Variants in CEP295 observed in about 807,000 individuals in gnomAD.
The protein encoded by CEP295 is centrosomal protein 295, also known as centrosomal protein of 295 kDa.
Under a neutral mutation model 291.6 loss-of-function variants are expected in CEP295, and 190 were observed. That is an observed-to-expected ratio of 0.65 (90% CI 0.58 to 0.73). The LOEUF is 0.73. Ranked by LOEUF, CEP295 falls within the 30% of genes least tolerant of loss-of-function variation. CEP295 has a pLI of 0.00. For synonymous variants in CEP295, 993 were observed against 1,038.8 expected (o/e 0.96, Z 0.85); for missense variants, 2,863 against 2,949.4 (o/e 0.97, Z 0.68).
intron 23 of CEP295, among the ~76,000 whole-genome samples, chr11:93,726,038 C>T (rs1020803743): frequency 5.3e-5 from 8 of 152,070 alleles, no homozygotes; most frequent in African/African-American, 1.9e-4. Context: ...AAAGTGTTGC[C>T]TCTTGTTCCT....
intron 25 of CEP295, 196 bp downstream of exon 25, chr11:93,729,017 T>C: frequency 3.7e-6 from 2 of 542,288 alleles, no homozygotes; most frequent in Non-Finnish European, 6.4e-6. Context: ...TAATCCCCAC[T>C]CCAATTTATG....
chr11:93,681,237 GTT>G (rs11320777), intron 7 of CEP295, among the ~76,000 whole-genome samples: 25 of 141,642 alleles, frequency 1.8e-4, no homozygotes, highest in Admixed American at 3.6e-4. Flanking sequence ...TTCATGTGTT[GTT>G]TTTTTTTTTT....
Position 93,687,696 on chromosome 11 carries a change from A to T in CEP295, c.1167A>T (p.Lys389Asn). 3 of 1,544,920 alleles carry T rather than the reference A, an allele frequency of 1.9e-6. No individual in the cohort carries two copies. Among genetic ancestry groups the T allele is most frequent in the Non-Finnish European group, 2.6e-6 (3 of 1,142,420 alleles). ...TTCCTTCAAAAGTTCTTTTTAAAAA[A>T]TTATTAAATAAGATCCGAAGCCAAA... is the stretch of plus-strand genomic sequence containing the variant. ...QQIPSKVLFK[K>N]LLNKIRSQKS... is the part of the protein sequence containing the mutation. Residue 389 changes from lysine (K) to asparagine (N), a missense_variant, in exon 10 of 30, where the codon AAA (lysine) becomes AAT (asparagine). Transcript: ENST00000325212.
chr11:93,677,148 C>G (rs1346059009), intron 6 of CEP295, among the ~76,000 whole-genome samples: 3 of 152,100 alleles, frequency 2.0e-5, no homozygotes, highest in African/African-American at 7.2e-5. Context: ...GCTTGGCTTT[C>G]AAGATAAAAT....
At position 93,728,726 on chromosome 11, in the gene CEP295, T is replaced by C; in HGVS notation, c.7207T>C (p.Leu2403=). ...TATAATGGAAGAACCAGAACTTACT[T>C]TAATAAGCACCACTGATACCAGTAT... The part of the protein sequence containing the change: ...HGIMEEPELT[L]ISTTDTSIAE... Residue 2403 remains leucine, a synonymous_variant, in exon 25 of 30, where the codon TTA becomes CTA. Coordinates refer to ENST00000325212, the MANE Select transcript of CEP295 (RefSeq NM_033395.2). The C allele has an allele frequency of 6.5e-7, 1 of 1,550,316 alleles. No homozygotes were observed. Among genetic ancestry groups the C allele is most frequent in the Non-Finnish European group, 8.7e-7 (1 of 1,146,554 alleles).
chr11:93,698,055 A>G lies in CEP295; in HGVS notation c.3143A>G (p.Gln1048Arg). ...CAGGATGGGTCTTTGAGTTTCCTAC[A>G]GCAGTTCCTACCTCTACATGATAGT... ...ISQDGSLSFLQQFLPLHDSLK... is the reference protein window; with the variant it reads ...ISQDGSLSFLRQFLPLHDSLK... Residue 1048 changes from glutamine (Q) to arginine (R), a missense_variant, in exon 15 of 30, where the codon CAG becomes CGG. Physicochemically the swap from Gln to Arg is conservative, Grantham distance 43 (BLOSUM62 1). Transcript: ENST00000325212. 3 of 1,551,888 alleles carry G rather than the reference A, an allele frequency of 1.9e-6. No homozygotes were observed. Among genetic ancestry groups the G allele is most frequent in the Non-Finnish European group, 2.6e-6 (3 of 1,147,020 alleles).
chr11:93,698,191 G>A lies in CEP295; in HGVS notation c.3279G>A (p.Lys1093=). 1 of 1,551,988 alleles carries A rather than the reference G, an allele frequency of 6.4e-7. No individual in the cohort carries two copies. Among genetic ancestry groups the A allele is most frequent in the East Asian group, 2.4e-5 (1 of 40,910 alleles). ...GACAAAGAGATTTGGGGGACAGTAA[G>A]TCTGGGCTGGTGAGCTCTTCATCCT... The part of the protein sequence containing the change: ...LHRQRDLGDS[K]SGLVSSSSSP... The change falls in exon 15 of 30, where the codon AAG becomes AAA. Residue 1093 remains lysine (K), a synonymous_variant. Coordinates refer to ENST00000325212, the MANE Select transcript of CEP295 (RefSeq NM_033395.2).
rs1235743771 is a variant in CEP295, at chr11:93,702,766, G to C, written c.5453-10G>C. 1 of 1,550,018 alleles carries C rather than the reference G, an allele frequency of 6.5e-7. No individual in the cohort carries two copies. The highest frequency in any genetic ancestry group is 2.4e-5 in the East Asian group (1 of 40,912). ...TTGTATTGTATCCAACTTTGTCATT[G>C]ACTTAATAGGTGAGCATCTGGAGAA... On this transcript the variant is annotated splice_polypyrimidine_tract_variant and intron_variant, in intron 16 of 29. Transcript: ENST00000325212.
chr11:93,701,868 C>G (rs1347161794), intron 15 of CEP295, among the ~76,000 whole-genome samples: 1 of 152,170 alleles, frequency 6.6e-6, no homozygotes, highest in African/African-American at 2.4e-5. Flanking sequence ...TCCCAAAGTG[C>G]TAGGATTACA....
At chr11:93,714,023 C>A (rs1221847452) in intron 18 of CEP295, among the ~76,000 whole-genome samples, 1 of 152,072 alleles carries the variant, frequency 6.6e-6, no homozygotes, top group Non-Finnish European at 1.5e-5. Context: ...ATTTCACTGC[C>A]TTCATTTTAT....
intron 18 of CEP295, among the ~76,000 whole-genome samples, chr11:93,716,286 G>C (rs1466654365): frequency 6.6e-6 from 1 of 152,160 alleles, no homozygotes; most frequent in Non-Finnish European, 1.5e-5. Flanking sequence ...CAAAGTCCCA[G>C]AATGGCTGAG....
chr11:93,665,773 A>C (rs1034690742), intron 1 of CEP295, among the ~76,000 whole-genome samples: 8 of 152,222 alleles, frequency 5.3e-5, no homozygotes, highest in Admixed American at 5.2e-4. Context: ...ATTCATATAA[A>C]AATTACGTCA....
intron 3 of CEP295, among the ~76,000 whole-genome samples, chr11:93,668,551 A>G (rs1221259966): frequency 6.6e-6 from 1 of 152,154 alleles, no homozygotes; most frequent in East Asian, 1.9e-4. Context: ...TACTTTAACC[A>G]TGTCCTAAGT....
intron 18 of CEP295, among the ~76,000 whole-genome samples, chr11:93,714,199 T>C (rs770664495): frequency 6.6e-6 from 1 of 152,128 alleles, no homozygotes; most frequent in Non-Finnish European, 1.5e-5. Flanking sequence ...TCCTGTATGG[T>C]CTTGATGTTT....
At chr11:93,696,441 A>G in intron 14 of CEP295, 24 bp downstream of exon 14, 5 of 1,301,420 alleles carry the variant, frequency 3.8e-6, no homozygotes, top group Admixed American at 2.1e-5. Context: ...TATAATTTAT[A>G]TGTGATCGTA....
rs1231818108 is a variant in CEP295, at chr11:93,717,125, A to G, written c.5750-4187A>G. Among the ~76,000 whole-genome samples, 3 of 152,162 alleles carry G rather than the reference A, an allele frequency of 2.0e-5. No individual in the cohort carries two copies. In the East Asian group the frequency reaches 5.8e-4, roughly 29 times the overall value. On this transcript the variant is annotated intron_variant, in intron 18 of 29. Coordinates refer to ENST00000325212, the MANE Select transcript of CEP295 (RefSeq NM_033395.2). ...CCTCTGGGACAAGTCAGCCTAATAC[A>G]GGAAAGCTTATTTCTCTTTAATTTT...
At position 93,727,449 on chromosome 11, in the gene CEP295, G is replaced by GTA. The variant is rs1954236886; in HGVS notation, c.6974_6975dup (p.Arg2326Ter). 1 of 1,551,836 alleles carries GTA rather than the reference G, an allele frequency of 6.4e-7. No individual in the cohort carries two copies. Among genetic ancestry groups the GTA allele is most frequent in the Non-Finnish European group, 8.7e-7 (1 of 1,147,004 alleles). The stretch of plus-strand genomic sequence containing the variant: ...AGAGGAAACTGACTCTCGATTATGT[G>GTA]TAAGAACAGTGGAGATGGGAACTTC... On this transcript the variant is annotated frameshift_variant, in exon 24 of 30. Transcript: ENST00000325212. LOFTEE classifies it high-confidence loss of function.
At chr11:93,684,779 G>C (rs997325280) in intron 9 of CEP295, among the ~76,000 whole-genome samples, 1 of 152,186 alleles carries the variant, frequency 6.6e-6, no homozygotes, top group Non-Finnish European at 1.5e-5. Flanking sequence ...TCATTGGCTA[G>C]CTCTGGATCT....
intron 17 of CEP295, among the ~76,000 whole-genome samples, chr11:93,704,349 G>T (rs1952385123): frequency 1.3e-5 from 2 of 152,126 alleles, no homozygotes; most frequent in South Asian, 4.1e-4. Context: ...AGGTATGCCA[G>T]GTGCAATGAC....
Sources: gnomAD v4.1 joint callset for allele counts (sites outside exome capture counted in the v4.1 genomes callset) on GRCh38, gnomAD v4.1.1 for gene constraint, MANE v1.5 for transcripts, NCBI Gene and HGNC (gene_info 2026-07-23, HGNC 2026-07-21) for gene names.